SKIC3: variants seen among roughly 807,000 people sequenced by gnomAD.
The protein encoded by SKIC3 is SKI3 subunit of superkiller complex.
chr5:95,501,659 G>C, the SKIC3 span, among the ~76,000 whole-genome samples: 1 of 151,698 alleles, frequency 6.6e-6, no homozygotes, highest in Non-Finnish European at 1.5e-5. Context: ...CGGGGTAAAG[G>C]TTTGCCTTCA....
the SKIC3 span, among the ~76,000 whole-genome samples, chr5:95,466,516 G>A: frequency 6.6e-6 from 1 of 152,176 alleles, no homozygotes; most frequent in Non-Finnish European, 1.5e-5. Flanking sequence ...AATCTCAGTA[G>A]GTTGAGTTGA....
the SKIC3 span, among the ~76,000 whole-genome samples, chr5:95,466,712 G>T: frequency 6.6e-6 from 1 of 152,104 alleles, no homozygotes; most frequent in Non-Finnish European, 1.5e-5. Context: ...TTTTTACTTA[G>T]CCTTGCTTCT....
At chr5:95,471,842 G>T in the SKIC3 span, among the ~76,000 whole-genome samples, 1 of 152,146 alleles carries the variant, frequency 6.6e-6, no homozygotes. Context: ...CCAACTTCAT[G>T]GGTAGTCTCT....
the SKIC3 span, among the ~76,000 whole-genome samples, chr5:95,535,353 C>T: frequency 1.2e-4 from 18 of 145,948 alleles, no homozygotes; most frequent in Non-Finnish European, 2.5e-4. Flanking sequence ...CTCTTTCGCC[C>T]AGGCCGGAGT....
At chr5:95,535,307 A>ATTTTTTTTT in the SKIC3 span, among the ~76,000 whole-genome samples, 1 of 91,800 alleles carries the variant, frequency 1.1e-5, no homozygotes, top group African/African-American at 4.3e-5. Flanking sequence ...GGTAACAGCA[A>ATTTTTTTTT]TTTTTTTTTT....
At chr5:95,517,007 A>T in the SKIC3 span, 5 of 1,613,630 alleles carry the variant, frequency 3.1e-6, no homozygotes, top group Non-Finnish European at 4.2e-6. Flanking sequence ...ATTAATTCCA[A>T]GGTCACACCA....
the SKIC3 span, chr5:95,517,011 C>A: frequency 1.9e-6 from 3 of 1,613,482 alleles, no homozygotes; most frequent in Non-Finnish European, 2.5e-6. Flanking sequence ...ATTCCAAGGT[C>A]ACACCATGTA....
the SKIC3 span, among the ~76,000 whole-genome samples, chr5:95,499,455 C>A: frequency 4.6e-5 from 7 of 152,114 alleles, no homozygotes; most frequent in Non-Finnish European, 7.4e-5. Flanking sequence ...TCCTGTGCAG[C>A]CTGCAGAACC....
the SKIC3 span, chr5:95,494,538 A>G: frequency 5.0e-6 from 4 of 805,066 alleles, no homozygotes; most frequent in Admixed American, 2.2e-5. Context: ...CTCCTGTTGT[A>G]GAAGATCTAA....
chr5:95,507,039 A>C, the SKIC3 span: 1 of 1,591,050 alleles, frequency 6.3e-7, no homozygotes, highest in Non-Finnish European at 8.6e-7. Flanking sequence ...ATTTTAATTT[A>C]TCTCTGTGCA....
the SKIC3 span, chr5:95,530,181 A>C: frequency 6.2e-7 from 1 of 1,613,638 alleles, no homozygotes; most frequent in Non-Finnish European, 8.5e-7. Context: ...TTTTGAATCC[A>C]TTTCCACTAA....
At chr5:95,492,581 G>A in the SKIC3 span, among the ~76,000 whole-genome samples, 2 of 112,750 alleles carry the variant, frequency 1.8e-5, no homozygotes, top group South Asian at 3.3e-4. Context: ...AGCTTGCAGT[G>A]AGCCGAGATC....
the SKIC3 span, among the ~76,000 whole-genome samples, chr5:95,509,102 A>G: frequency 2.0e-5 from 3 of 152,346 alleles, no homozygotes; most frequent in East Asian, 5.8e-4. Flanking sequence ...ACATCTTTTC[A>G]TCTTCTAAGA....
chr5:95,551,579 C>A, the SKIC3 span, among the ~76,000 whole-genome samples: 39 of 152,194 alleles, frequency 2.6e-4, no homozygotes, highest in African/African-American at 8.4e-4. Flanking sequence ...ATTTCACTGG[C>A]TTCTTTAGCC....
the SKIC3 span, among the ~76,000 whole-genome samples, chr5:95,534,906 G>A: frequency 4.6e-5 from 7 of 152,108 alleles, no homozygotes; most frequent in Non-Finnish European, 1.0e-4. Flanking sequence ...CTCATTAACT[G>A]CCCCATTAAC....
At chr5:95,467,948 C>G in the SKIC3 span, 1 of 1,613,400 alleles carries the variant, frequency 6.2e-7, no homozygotes, top group Non-Finnish European at 8.5e-7. Flanking sequence ...TTTGGGATAC[C>G]CAGGCTGATA....
At chr5:95,536,820 A>C in the SKIC3 span, 5 of 1,610,408 alleles carry the variant, frequency 3.1e-6, no homozygotes, top group South Asian at 1.1e-5. Flanking sequence ...AAATTACCTG[A>C]TTCAATTAAA....
At chr5:95,534,362 T>C in the SKIC3 span, among the ~76,000 whole-genome samples, 39 of 152,114 alleles carry the variant, frequency 2.6e-4, no homozygotes, top group African/African-American at 9.2e-4. Flanking sequence ...CAGGCAGCTA[T>C]TGCAGTTCTT....
At chr5:95,496,709 C>A in the SKIC3 span, among the ~76,000 whole-genome samples, 1 of 152,078 alleles carries the variant, frequency 6.6e-6, no homozygotes, top group Non-Finnish European at 1.5e-5. Flanking sequence ...AGAAACAAAG[C>A]CACCAAGAAT....
Sources: gnomAD v4.1 joint callset for allele counts (sites outside exome capture counted in the v4.1 genomes callset) on GRCh38, gnomAD v4.1.1 for gene constraint, MANE v1.5 for transcripts, NCBI Gene and HGNC (gene_info 2026-07-23, HGNC 2026-07-21) for gene names.